RAB7B: variants seen among roughly 807,000 people sequenced by gnomAD.
The protein encoded by RAB7B is RAB7B, member RAS oncogene family, also known as ras-related protein Rab-7b.
chr1:205,990,049 A>C (rs977127203), intron 4 of RAB7B, among the ~76,000 whole-genome samples: 2 of 152,170 alleles, frequency 1.3e-5, no homozygotes, highest in African/African-American at 2.4e-5. Context: ...CACCCTACAG[A>C]CATGAAACAA....
intron 5 of RAB7B, 50 bp downstream of exon 5, chr1:205,985,489 CT>C: frequency 2.5e-6 from 1 of 398,606 alleles, no homozygotes; most frequent in Non-Finnish European, 4.4e-6. Context: ...TCCCGAGACC[CT>C]CCCCAATCCA....
intron 1 of RAB7B, among the ~76,000 whole-genome samples, chr1:205,994,883 G>GT (rs1345899786): frequency 6.6e-6 from 1 of 152,176 alleles, no homozygotes; most frequent in Admixed American, 6.5e-5. Context: ...ATTAAATGGA[G>GT]TTTTTGAGAA....
At chr1:205,981,183 G>A (rs1221894297) in intron 5 of RAB7B, among the ~76,000 whole-genome samples, 2 of 152,254 alleles carry the variant, frequency 1.3e-5, no homozygotes, top group Non-Finnish European at 1.5e-5. Context: ...TTACAGGTGT[G>A]AGCCACCATG....
chr1:205,989,506 A>G (rs1168911954), intron 4 of RAB7B, among the ~76,000 whole-genome samples: 6 of 151,962 alleles, frequency 3.9e-5, no homozygotes, highest in Non-Finnish European at 8.8e-5. Flanking sequence ...GCCACCTCTC[A>G]TGGTAGCCTC....
At chr1:205,982,388 T>G (rs992686655) in intron 5 of RAB7B, among the ~76,000 whole-genome samples, 106 of 152,310 alleles carry the variant, frequency 7.0e-4, no homozygotes, top group African/African-American at 2.4e-3. Context: ...TTGCCAGCTC[T>G]ATCCTCTCAC....
chr1:205,995,549 A>G (rs1442429850), intron 1 of RAB7B, among the ~76,000 whole-genome samples: 1 of 152,092 alleles, frequency 6.6e-6, no homozygotes, highest in African/African-American at 2.4e-5. Flanking sequence ...CACAACGGAT[A>G]CTGTTCAGCT....
chr1:205,985,515 A>G (rs1660575409), intron 5 of RAB7B, 25 bp downstream of exon 5: 2 of 398,800 alleles, frequency 5.0e-6, no homozygotes, highest in Non-Finnish European at 8.8e-6. Context: ...CGGTCTCAGC[A>G]GGTCCTGCCG....
rs1660408409 is a variant in RAB7B at position 205,977,651 on chromosome 1, C to G, written c.*1200G>C. ...CCCCTTTGCTTTGTCTTTGGGACAG[C>G]AGCTTTGAGTATTAGGTCAATGGAT... On this transcript the variant is annotated 3_prime_UTR_variant, in exon 6 of 6. Transcript: ENST00000617070. 6.6e-6 allele frequency: 1 copy of G among 152,202 alleles called. No individual in the cohort carries two copies. Among genetic ancestry groups the G allele is most frequent in the African/African-American group, 2.4e-5 (1 of 41,438 alleles). 9.4% of individuals were successfully genotyped at this position (152,202 alleles called of 1,614,324 possible).
intron 4 of RAB7B, among the ~76,000 whole-genome samples, chr1:205,986,956 G>A (rs1016251411): frequency 2.0e-5 from 3 of 152,058 alleles, no homozygotes; most frequent in African/African-American, 4.8e-5. Context: ...AGTCCCAGCT[G>A]ATCTCAGCAG....
Position 205,978,624 on chromosome 1 carries a change from C to T in RAB7B, c.*227G>A. On this transcript the variant is annotated 3_prime_UTR_variant, in exon 6 of 6. Transcript: ENST00000617070. ...AGGACCAGGGTTTGGCTCTGACATTCCGGGCTTCATCCAGACGCTCTCACT... is the reference window on the plus strand; with the variant it reads ...AGGACCAGGGTTTGGCTCTGACATTTCGGGCTTCATCCAGACGCTCTCACT... 2.7e-6 allele frequency: 1 copy of T among 369,300 alleles called. No individual in the cohort carries two copies. Among genetic ancestry groups the T allele is most frequent in the Non-Finnish European group, 4.8e-6 (1 of 207,638 alleles). 22.9% of individuals were successfully genotyped at this position (369,300 alleles called of 1,614,324 possible). A position where few individuals can be genotyped will look rare whatever the true frequency, so the allele number is the denominator to read the frequency against.
intron 1 of RAB7B, among the ~76,000 whole-genome samples, chr1:205,996,946 C>T (rs1182816933): frequency 6.6e-6 from 1 of 152,202 alleles, no homozygotes; most frequent in Middle Eastern, 3.2e-3. Context: ...TCACCTCCCA[C>T]AAGGTCTCTT....
chr1:205,985,480 C>G, intron 5 of RAB7B, 60 bp downstream of exon 5: 1 of 398,522 alleles, frequency 2.5e-6, no homozygotes, highest in Non-Finnish European at 4.4e-6. Context: ...TCTGGAAGCT[C>G]CCGAGACCCT....
At chr1:205,997,021 C>A (rs1316695626) in intron 1 of RAB7B, among the ~76,000 whole-genome samples, 2 of 152,170 alleles carry the variant, frequency 1.3e-5, no homozygotes, top group Non-Finnish European at 2.9e-5. Context: ...GGGGACACAG[C>A]CAAACCATAT....
intron 2 of RAB7B, 21 bp from the exon 3 acceptor site, chr1:205,993,567 A>T: frequency 2.5e-6 from 1 of 398,638 alleles, no homozygotes; most frequent in Non-Finnish European, 4.4e-6. Flanking sequence ...TTCCAGACAC[A>T]TGTGAACACA....
intron 4 of RAB7B, among the ~76,000 whole-genome samples, chr1:205,987,321 T>C (rs1660628280): frequency 2.0e-5 from 3 of 152,186 alleles, no homozygotes; most frequent in Admixed American, 1.3e-4. Flanking sequence ...GGTGTGATAG[T>C]TGGGGACATG....
chr1:205,985,808 G>T (rs1437102379), intron 4 of RAB7B, 143 bp from the exon 5 acceptor site: 2,696 of 135,438 alleles, frequency 0.02, 240 homozygotes, highest in Non-Finnish European at 0.023. Flanking sequence ...ATCCCCACCA[G>T]GCCCACCAGG....
At chr1:205,979,654 C>T (rs1255338972) in intron 5 of RAB7B, among the ~76,000 whole-genome samples, 1 of 152,158 alleles carries the variant, frequency 6.6e-6, no homozygotes, top group Non-Finnish European at 1.5e-5. Flanking sequence ...CCCATCTCTT[C>T]ACGCTGCTAT....
At chr1:205,991,988 AACT>A (rs1660729592) in intron 4 of RAB7B, among the ~76,000 whole-genome samples, 1 of 152,230 alleles carries the variant, frequency 6.6e-6, no homozygotes, top group Non-Finnish European at 1.5e-5. Flanking sequence ...TTCCCCAGAA[AACT>A]TGTATATCCA....
chr1:205,985,083 C>T (rs990517582), intron 5 of RAB7B, among the ~76,000 whole-genome samples: 18 of 152,310 alleles, frequency 1.2e-4, no homozygotes, highest in African/African-American at 3.6e-4. Flanking sequence ...ACATTCTTGC[C>T]GAACCTTCGT....
Sources: allele counts gnomAD v4.1 joint callset (sites outside exome capture counted in the v4.1 genomes callset), GRCh38; gene constraint gnomAD v4.1.1; transcripts MANE v1.5; gene names NCBI Gene and HGNC (gene_info 2026-07-23, HGNC 2026-07-21).